The following SNX9 variants were observed in gnomAD, a reference collection of about 807,000 sequenced individuals.
The protein encoded by SNX9 is sorting nexin 9.
A neutral mutation model predicts 89.4 loss-of-function variants in SNX9; 44 were observed. The ratio of observed to expected loss-of-function variants is 0.49; its 90% CI spans 0.39 to 0.63. The LOEUF is 0.63. Among genes scored for constraint, SNX9 ranks in the 30% least tolerant of loss-of-function variants. SNX9 has a pLI of 0.00. For synonymous variants in SNX9, 236 were observed against 247.8 expected (o/e 0.95, Z 0.45); for missense variants, 578 against 736.1 (o/e 0.79, Z 2.49).
In SNX9 at chr6:157,943,399, G is replaced by C. The variant is rs1437426663; in HGVS notation, c.*561G>C. 6.6e-6 allele frequency: 1 copy of C among 152,342 alleles called. No individual in the cohort carries two copies. Among genetic ancestry groups the C allele is most frequent in the Non-Finnish European group, 1.5e-5 (1 of 68,136 alleles). The allele number at this position is 152,342 out of a possible 1,614,324, so 9.4% of individuals were successfully genotyped here. A position where few individuals can be genotyped will look rare whatever the true frequency, so the allele number is the denominator to read the frequency against. ...TACAGCTCAAGTGCTTACACTTCAA[G>C]AGGGAGGACGCTGGGGGCCCCTGGG... is the stretch of plus-strand genomic sequence containing the variant. On this transcript the variant is annotated 3_prime_UTR_variant, in exon 18 of 18. Coordinates refer to ENST00000392185, the MANE Select transcript of SNX9 (RefSeq NM_016224.5).
intron 1 of SNX9, among the ~76,000 whole-genome samples, chr6:157,847,664 T>C (rs1288540416): frequency 2.0e-5 from 3 of 152,110 alleles, no homozygotes; most frequent in African/African-American, 7.2e-5. Flanking sequence ...AATTTCCACG[T>C]GGGCCCAGGA....
intron 9 of SNX9, among the ~76,000 whole-genome samples, chr6:157,915,746 A>G (rs1209430123): frequency 2.7e-5 from 4 of 145,878 alleles, no homozygotes; most frequent in Non-Finnish European, 4.5e-5. Context: ...AGTCACTTGA[A>G]TCCAGGAGGC....
chr6:157,840,137 A>G lies in SNX9; in HGVS notation c.12+16691A>G, dbSNP rs1331427937. 1.1e-4 allele frequency among the ~76,000 whole-genome samples: 12 copies of G among 110,088 alleles called. No homozygotes were observed. In the East Asian group the frequency reaches 2.8e-3, roughly 25 times the overall value. 72.2% of individuals were successfully genotyped at this position (110,088 alleles called of 152,430 possible). ...GTCTTTGGATCTCGGGAAAGAGCAG[A>G]CCCTCAGGCTGGTGCTTGGGGTGTC... On this transcript the variant is annotated intron_variant, in intron 1 of 17. Transcript: ENST00000392185.
chr6:157,938,518 AGGTATT>A, intron 15 of SNX9, 109 bp from the exon 16 acceptor site: 4 of 601,044 alleles, frequency 6.7e-6, no homozygotes. Context: ...TATTTTGTGG[AGGTATT>A]TCCTGTTCAG....
intron 9 of SNX9, among the ~76,000 whole-genome samples, chr6:157,920,699 G>T (rs1289259041): frequency 6.6e-6 from 1 of 152,190 alleles, no homozygotes; most frequent in African/African-American, 2.4e-5. Context: ...GAGGGGTAGG[G>T]TTAGCTGATC....
intron 17 of SNX9, 138 bp from the exon 18 acceptor site, chr6:157,942,653 C>T: frequency 1.1e-6 from 1 of 872,992 alleles, no homozygotes; most frequent in South Asian, 1.6e-5. Flanking sequence ...CAACGCGGGG[C>T]AGGGCTGGTG....
At chr6:157,938,527 C>T in intron 15 of SNX9, 106 bp from the exon 16 acceptor site, 2 of 673,202 alleles carry the variant, frequency 3.0e-6, no homozygotes, top group East Asian at 2.8e-5. Context: ...GAGGTATTTC[C>T]TGTTCAGTAG....
intron 2 of SNX9, 35 bp from the exon 3 acceptor site, chr6:157,873,066 CT>C: frequency 1.4e-6 from 2 of 1,390,546 alleles, no homozygotes; most frequent in East Asian, 2.5e-5. Flanking sequence ...CAACTGTAAT[CT>C]TTTTCTTTTT....
intron 4 of SNX9, among the ~76,000 whole-genome samples, chr6:157,881,953 A>G (rs1782634155): frequency 6.6e-6 from 1 of 152,240 alleles, no homozygotes; most frequent in Admixed American, 6.5e-5. Flanking sequence ...ATTATTGATG[A>G]TGGTGCTGCA....
At chr6:157,938,840 CA>C (rs1401198945) in intron 16 of SNX9, 93 bp downstream of exon 16, 2 of 871,242 alleles carry the variant, frequency 2.3e-6, no homozygotes, top group Non-Finnish European at 3.7e-6. Flanking sequence ...ATGTGAGCAG[CA>C]GTTAAGTAAG....
intron 6 of SNX9, 109 bp from the exon 7 acceptor site, chr6:157,906,019 C>T (rs1403891192): frequency 1.4e-5 from 11 of 811,458 alleles, no homozygotes; most frequent in Non-Finnish European, 2.1e-5. Flanking sequence ...AGTTCTAGTG[C>T]ACCCGAAAGA....
chr6:157,898,933 C>T (rs1583224840), intron 5 of SNX9, among the ~76,000 whole-genome samples: 1 of 152,150 alleles, frequency 6.6e-6, no homozygotes, highest in Non-Finnish European at 1.5e-5. Context: ...GCTCTCTGGT[C>T]ACTTGGCCCA....
intron 12 of SNX9, among the ~76,000 whole-genome samples, chr6:157,931,881 C>T (rs940750203): frequency 3.3e-5 from 5 of 152,186 alleles, no homozygotes; most frequent in Non-Finnish European, 5.9e-5. Flanking sequence ...TGATCAAGCG[C>T]GGTGTCGCTA....
intron 2 of SNX9, among the ~76,000 whole-genome samples, chr6:157,871,051 A>G (rs1015114824): frequency 2.0e-5 from 3 of 152,266 alleles, no homozygotes; most frequent in Non-Finnish European, 4.4e-5. Context: ...AATAGTGAGC[A>G]TATTTAGAAA....
At chr6:157,834,316 C>T (rs984490944) in intron 1 of SNX9, among the ~76,000 whole-genome samples, 1 of 150,450 alleles carries the variant, frequency 6.6e-6, no homozygotes, top group Admixed American at 6.6e-5. Context: ...CCACAAAGTG[C>T]GTGCCAGCAC....
At chr6:157,891,954 A>G (rs1311234908) in intron 4 of SNX9, among the ~76,000 whole-genome samples, 2 of 152,222 alleles carry the variant, frequency 1.3e-5, no homozygotes, top group African/African-American at 2.4e-5. Flanking sequence ...CCTGTGCTGA[A>G]GAAACTCCTG....
chr6:157,873,570 T>A (rs1782459419), intron 3 of SNX9, among the ~76,000 whole-genome samples: 1 of 145,094 alleles, frequency 6.9e-6, no homozygotes, highest in African/African-American at 2.6e-5. Context: ...AAATATATAT[T>A]TATATTTTTA....
intron 1 of SNX9, among the ~76,000 whole-genome samples, chr6:157,836,709 G>A (rs1562589641): frequency 1.3e-5 from 2 of 151,878 alleles, no homozygotes; most frequent in Non-Finnish European, 2.9e-5. Context: ...TCCTGCCTCA[G>A]CCTCCCAAGT....
chr6:157,929,449 C>G (rs1355253774), intron 12 of SNX9, among the ~76,000 whole-genome samples: 1 of 152,180 alleles, frequency 6.6e-6, no homozygotes, highest in Non-Finnish European at 1.5e-5. Context: ...GCGCAGATGC[C>G]TTTAACTCCC....
Sources: allele counts gnomAD v4.1 joint callset (sites outside exome capture counted in the v4.1 genomes callset), GRCh38; gene constraint gnomAD v4.1.1; transcripts MANE v1.5; gene names NCBI Gene and HGNC (gene_info 2026-07-23, HGNC 2026-07-21).